The following RBFOX1 variants were observed in gnomAD, a reference collection of about 807,000 sequenced individuals.
The protein encoded by RBFOX1 is RNA binding protein fox-1 homolog 1.
A neutral mutation model predicts 57.7 loss-of-function variants in RBFOX1; 8 were observed. That is an observed-to-expected ratio of 0.14 (90% CI 0.08 to 0.25). The LOEUF (loss-of-function observed/expected upper bound fraction) is 0.25. Ranked by LOEUF, RBFOX1 falls within the 10% of genes least tolerant of loss-of-function variation. RBFOX1 has a pLI of 1.00. For missense variants in RBFOX1, 611 were observed against 548.5 expected (o/e 1.11, Z -1.14); for synonymous variants, 326 against 222.4 (o/e 1.47, Z -4.15).
intron 4 of RBFOX1, among the ~76,000 whole-genome samples, chr16:5,906,370 G>C (rs1457721824): frequency 6.6e-6 from 1 of 152,186 alleles, no homozygotes; most frequent in African/African-American, 2.4e-5. Flanking sequence ...CAGAGATCAA[G>C]GTAATGTTTC....
At chr16:7,385,254 G>A (rs1216255992) in intron 4 of RBFOX1, among the ~76,000 whole-genome samples, 1 of 152,194 alleles carries the variant, frequency 6.6e-6, no homozygotes, top group African/African-American at 2.4e-5. Flanking sequence ...AGACCAGTGG[G>A]GCCCAGGAGA....
chr16:6,478,427 A>ATTTTTT (rs1457956625), intron 2 of RBFOX1, among the ~76,000 whole-genome samples: 37 of 12,712 alleles, frequency 2.9e-3, no homozygotes, highest in Admixed American at 6.0e-3. Context: ...ATATATATAT[A>ATTTTTT]TATTTTTTTT....
chr16:5,624,049 G>C (rs981602971), intron 3 of RBFOX1, among the ~76,000 whole-genome samples: 1 of 152,220 alleles, frequency 6.6e-6, no homozygotes, highest in Non-Finnish European at 1.5e-5. Context: ...AGGGCAGATG[G>C]TGTCCACCCC....
At chr16:6,261,530 A>G (rs1411137462) in intron 1 of RBFOX1, among the ~76,000 whole-genome samples, 3 of 152,272 alleles carry the variant, frequency 2.0e-5, no homozygotes, top group Middle Eastern at 3.4e-3. Flanking sequence ...CTGCTGAGCC[A>G]TTTGCTGGGT....
intron 4 of RBFOX1, among the ~76,000 whole-genome samples, chr16:7,207,714 G>T (rs2090281136): frequency 6.6e-6 from 1 of 152,182 alleles, no homozygotes; most frequent in Non-Finnish European, 1.5e-5. Context: ...AGCTACCTAG[G>T]GTTCTCTGTA....
At chr16:7,111,614 G>C (rs1378461542) in intron 4 of RBFOX1, among the ~76,000 whole-genome samples, 1 of 152,126 alleles carries the variant, frequency 6.6e-6, no homozygotes, top group Admixed American at 6.5e-5. Context: ...AGTATCCTGG[G>C]AGTCTTAGGA....
chr16:7,172,619 C>G (rs2080919056), intron 4 of RBFOX1, among the ~76,000 whole-genome samples: 1 of 152,160 alleles, frequency 6.6e-6, no homozygotes, highest in Admixed American at 6.6e-5. Context: ...AGAAAACTCT[C>G]TCTTACTTAC....
chr16:5,485,100 A>G (rs1216488943), intron 2 of RBFOX1, among the ~76,000 whole-genome samples: 1 of 151,946 alleles, frequency 6.6e-6, no homozygotes, highest in Non-Finnish European at 1.5e-5. Flanking sequence ...TAATCCCAGC[A>G]CTTTGGGAGG....
Position 5,436,071 on chromosome 16 carries a change from T to A in RBFOX1, c.220-31145T>A, listed in dbSNP as rs547545633. Reference sequence around the variant, plus strand: ...AAACTAAAACAAGCCCGTCTTCATATTTGGCCTCCCAGTGGGAGCAATCCA... The same window carrying A: ...AAACTAAAACAAGCCCGTCTTCATAATTGGCCTCCCAGTGGGAGCAATCCA... On this transcript the variant is annotated intron_variant, in intron 1 of 2. Coordinates refer to the RBFOX1 transcript ENST00000585867. Among the ~76,000 whole-genome samples, 28 of 152,292 alleles carry A rather than the reference T, an allele frequency of 1.8e-4. No homozygotes were observed. The South Asian group carries it at 4.8e-3, about 26-fold the overall frequency.
At chr16:6,912,704 A>C (rs1373073344) in intron 3 of RBFOX1, among the ~76,000 whole-genome samples, 1 of 151,030 alleles carries the variant, frequency 6.6e-6, no homozygotes, top group African/African-American at 2.4e-5. Flanking sequence ...TAGCGCCCCA[A>C]CCTCCTGGGC....
intron 1 of RBFOX1, among the ~76,000 whole-genome samples, chr16:5,294,897 G>A (rs2063624700): frequency 6.6e-6 from 1 of 151,300 alleles, no homozygotes; most frequent in South Asian, 2.1e-4. Flanking sequence ...GGGTGTGGTG[G>A]TGCACGCCTT....
chr16:7,129,821 A>G (rs963067459), intron 4 of RBFOX1, among the ~76,000 whole-genome samples: 5 of 120,300 alleles, frequency 4.2e-5, no homozygotes, highest in African/African-American at 1.6e-4. Context: ...ATGGTTAGAC[A>G]GATAGATGGA....
At chr16:6,314,812 C>G (rs1463204346) in intron 1 of RBFOX1, among the ~76,000 whole-genome samples, 1 of 152,172 alleles carries the variant, frequency 6.6e-6, no homozygotes, top group Non-Finnish European at 1.5e-5. Context: ...CTCAGATAAT[C>G]CTGCATTGGA....
At chr16:6,434,584 A>T (rs2094184284) in intron 2 of RBFOX1, among the ~76,000 whole-genome samples, 2 of 152,220 alleles carry the variant, frequency 1.3e-5, no homozygotes, top group African/African-American at 2.4e-5. Context: ...AATAGAATTC[A>T]GTCTATAAAT....
intron 1 of RBFOX1, among the ~76,000 whole-genome samples, chr16:5,395,504 G>A (rs1056289988): frequency 3.9e-5 from 6 of 152,144 alleles, no homozygotes; most frequent in Admixed American, 6.5e-5. Flanking sequence ...TTGGCTGCGT[G>A]GTTGAGGGAA....
chr16:7,686,265 G>C (rs943508159), intron 14 of RBFOX1, among the ~76,000 whole-genome samples: 5 of 151,838 alleles, frequency 3.3e-5, no homozygotes, highest in African/African-American at 1.2e-4. Flanking sequence ...ATTTGTTTTT[G>C]GTTGTTTTAA....
At chr16:6,453,093 A>T (rs1377568617) in intron 2 of RBFOX1, among the ~76,000 whole-genome samples, 2 of 152,190 alleles carry the variant, frequency 1.3e-5, no homozygotes, top group Non-Finnish European at 2.9e-5. Context: ...CACAAAATAG[A>T]CAAAGCCCCT....
chr16:5,658,703 G>A (rs189226063), intron 3 of RBFOX1, among the ~76,000 whole-genome samples: 6 of 150,600 alleles, frequency 4.0e-5, no homozygotes, highest in African/African-American at 1.5e-4. Context: ...TTTCATGGCT[G>A]AGTAGTATTC....
chr16:6,012,235 T>A (rs1260924567), intron 4 of RBFOX1, among the ~76,000 whole-genome samples: 1 of 152,224 alleles, frequency 6.6e-6, no homozygotes, highest in Non-Finnish European at 1.5e-5. Flanking sequence ...TAATCTGGTT[T>A]ACAGTGTTGT....
Sources: allele counts gnomAD v4.1 joint callset (sites outside exome capture counted in the v4.1 genomes callset), GRCh38; gene constraint gnomAD v4.1.1; transcripts MANE v1.5; gene names NCBI Gene and HGNC (gene_info 2026-07-23, HGNC 2026-07-21).